ZNF385C: variants seen among roughly 807,000 people sequenced by gnomAD.
ZNF385C encodes the protein zinc finger protein 385C, also known as CTD-2132N18.2.
ZNF385C carries 28 observed loss-of-function variants against 35.4 expected under a neutral mutation model. The observed-to-expected ratio is 0.79, with a 90% CI of 0.59 to 1.08. The LOEUF is 1.08. ZNF385C is among the 50% of genes least tolerant of loss of function. The pLI, the probability that ZNF385C is intolerant of heterozygous loss-of-function variation, is 0.00. For synonymous variants in ZNF385C, 248 were observed against 248.2 expected, an observed-to-expected ratio of 1.00 and a Z score of 0.01; for missense variants, 605 against 595.6, an observed-to-expected ratio of 1.02 and a Z score of -0.16.
rs1055105 is a variant in ZNF385C, at chr17:42,038,334, C to T, written c.251-449G>A. 5.4e-3 allele frequency: 2,248 copies of T among 418,706 alleles called. 46 individuals are homozygous for T. The highest frequency in any genetic ancestry group is 0.043 in the African/African-American group (2,078 of 48,470). 25.9% of individuals were successfully genotyped at this position (418,706 alleles called of 1,614,324 possible). A position where few individuals can be genotyped will look rare whatever the true frequency, so the allele number is the denominator to read the frequency against. On this transcript the variant is annotated intron_variant, in intron 2 of 8. Coordinates refer to ENST00000692273, the MANE Select transcript of ZNF385C (RefSeq NM_001392013.1). ...CTCACTCTCTAACTATCCTCCCTCC[C>T]TCCAGATCCCCAGGATTTCATGGCC...
intron 1 of ZNF385C, among the ~76,000 whole-genome samples, chr17:42,070,308 C>T (rs1567993960): frequency 1.3e-5 from 2 of 152,192 alleles, no homozygotes; most frequent in African/African-American, 4.8e-5. Flanking sequence ...CGCGCCACTG[C>T]ACTCCAGCCT....
At chr17:42,085,642 G>A (rs1174831709) in intron 1 of ZNF385C, among the ~76,000 whole-genome samples, 1 of 145,712 alleles carries the variant, frequency 6.9e-6, no homozygotes, top group African/African-American at 2.6e-5. Flanking sequence ...TTGTCGCCCA[G>A]GCTGGAGTGC....
intron 1 of ZNF385C, among the ~76,000 whole-genome samples, chr17:42,082,935 A>G (rs907868435): frequency 1.9e-4 from 29 of 152,096 alleles, no homozygotes; most frequent in African/African-American, 6.3e-4. Flanking sequence ...AAATTTAGCC[A>G]GGATGGTGGT....
intron 2 of ZNF385C, among the ~76,000 whole-genome samples, chr17:42,044,608 C>T (rs1362994837): frequency 4.0e-5 from 6 of 150,918 alleles, no homozygotes; most frequent in Non-Finnish European, 5.9e-5. Flanking sequence ...AAGAGCAAAA[C>T]TCTGTCTCAA....
chr17:42,027,704 C>T lies in ZNF385C; in HGVS notation c.1189G>A (p.Asp397Asn), dbSNP rs782184069. 91 of 1,612,740 alleles carry T rather than the reference C, an allele frequency of 5.6e-5. 1 individual carries two copies. Among genetic ancestry groups the T allele is most frequent in the Non-Finnish European group, 7.6e-5 (90 of 1,179,602 alleles). Residue 397 changes from aspartate (D) to asparagine (N), a missense_variant, in exon 8 of 9, where the codon GAC (aspartate) becomes AAC (asparagine). Physicochemically the swap from Asp to Asn is conservative, Grantham distance 23 (BLOSUM62 1). Coordinates refer to ENST00000692273, the MANE Select transcript of ZNF385C (RefSeq NM_001392013.1). ...KQHMSSRRHK[D>N]RLAGKTPKPS... The stretch of plus-strand genomic sequence containing the variant: ...TTGGGGGTCTTCCCGGCCAGGCGGT[C>T]TTTGTGCCTCCTGCTGCTCATGTGC...
At chr17:42,027,416 C>T (rs1322630352) in intron 8 of ZNF385C, among the ~76,000 whole-genome samples, 1 of 151,990 alleles carries the variant, frequency 6.6e-6, no homozygotes, top group African/African-American at 2.4e-5. Context: ...CACTCTTGCC[C>T]CTAAGATGAC....
In ZNF385C at chr17:42,062,856, G is replaced by A. The variant is rs1039910895; in HGVS notation, c.201C>T (p.His67=). ...QAQVHCGGRA[H]QRRLRQLSLG... is the part of the protein sequence containing the mutation. ...AGCTGAGCTGCCGAAGCCGCCTCTGGTGGGCCCGCCCCCCACAGTGCACCT... is the reference window on the plus strand; with the variant it reads ...AGCTGAGCTGCCGAAGCCGCCTCTGATGGGCCCGCCCCCCACAGTGCACCT... Residue 67 remains histidine (H), a synonymous_variant, in exon 2 of 9, where the codon CAC becomes CAT. Transcript: ENST00000692273. The A allele has an allele frequency of 4.7e-6, 3 of 637,272 alleles. No individual in the cohort carries two copies. Among genetic ancestry groups the A allele is most frequent in the Non-Finnish European group, 8.5e-6 (3 of 353,994 alleles). The allele number at this position is 637,272 out of a possible 1,614,324, so 39.5% of individuals were successfully genotyped here.
In ZNF385C at chr17:42,095,993, C is replaced by T. The variant is rs2053913180; in HGVS notation, c.-3+2417G>A. ...ACCCTGACAAATACACCTTCATTAACAACCTGGAGGACCAGATACAAATTT... is the reference window on the plus strand; with the variant it reads ...ACCCTGACAAATACACCTTCATTAATAACCTGGAGGACCAGATACAAATTT... On this transcript the variant is annotated intron_variant, in intron 1 of 8. Coordinates refer to ENST00000692273, the MANE Select transcript of ZNF385C (RefSeq NM_001392013.1). This position sits in a 1 kb window ranked among gnomAD's most constrained non-coding sequence, Gnocchi z 4.4. Among the ~76,000 whole-genome samples the T allele has an allele frequency of 6.6e-6, 1 of 152,204 alleles. No homozygotes were observed. Among genetic ancestry groups the T allele is most frequent in the South Asian group, 2.1e-4 (1 of 4,826 alleles).
chr17:42,067,017 C>T (rs1383589486), intron 1 of ZNF385C, among the ~76,000 whole-genome samples: 6 of 151,796 alleles, frequency 4.0e-5, no homozygotes, highest in African/African-American at 9.7e-5. Context: ...TGCAGTGAGT[C>T]GAGATCGTGC....
At chr17:42,038,421 A>C (rs1388683248) in intron 2 of ZNF385C, 2 of 247,782 alleles carry the variant, frequency 8.1e-6, no homozygotes, top group Non-Finnish European at 1.5e-5. Flanking sequence ...CCCAGCTCTG[A>C]TGAGGCCTAA....
intron 1 of ZNF385C, among the ~76,000 whole-genome samples, chr17:42,089,068 CCT>C (rs1239505953): frequency 2.0e-5 from 3 of 152,138 alleles, no homozygotes; most frequent in Non-Finnish European, 2.9e-5. Flanking sequence ...TTCCCCACTT[CCT>C]CTCCCTCCCA....
chr17:42,070,894 C>A (rs1555658751), intron 1 of ZNF385C, among the ~76,000 whole-genome samples: 1 of 152,224 alleles, frequency 6.6e-6, no homozygotes, highest in Non-Finnish European at 1.5e-5. Flanking sequence ...TTTGGCTTCT[C>A]CACCCTGCCA....
chr17:42,077,878 C>T (rs536302917), intron 1 of ZNF385C, among the ~76,000 whole-genome samples: 3 of 152,180 alleles, frequency 2.0e-5, no homozygotes, highest in East Asian at 1.9e-4. Flanking sequence ...CCCCTCCCCC[C>T]ACATTTTGCC....
chr17:42,035,595 A>G (rs995130755), intron 3 of ZNF385C, among the ~76,000 whole-genome samples: 1 of 135,812 alleles, frequency 7.4e-6, no homozygotes, highest in Non-Finnish European at 1.5e-5. Flanking sequence ...TCTGTCGCCC[A>G]GGCTGGAGTG....
At position 42,047,354 on chromosome 17, in the gene ZNF385C, T is replaced by C. The variant is rs182557975; in HGVS notation, c.251-9469A>G. 4.9e-3 allele frequency among the ~76,000 whole-genome samples: 739 copies of C among 152,168 alleles called. 5 individuals carry two copies. Among genetic ancestry groups the C allele is most frequent in the African/African-American group, 0.017 (697 of 41,518 alleles). On this transcript the variant is annotated intron_variant, in intron 2 of 8. Coordinates refer to ENST00000692273, the MANE Select transcript of ZNF385C (RefSeq NM_001392013.1). ...GCCCCGGCTAATTTTTTTGAATTTT[T>C]AGTAGAGACGGGGTTTCACCGTGTT... is the stretch of plus-strand genomic sequence containing the variant.
chr17:42,096,134 G>A (rs2053915015), intron 1 of ZNF385C, among the ~76,000 whole-genome samples: 1 of 152,076 alleles, frequency 6.6e-6, no homozygotes, highest in South Asian at 2.1e-4. Flanking sequence ...GCACCACAAG[G>A]GACTCTTGTG....
chr17:42,052,415 C>G (rs1444073206), intron 2 of ZNF385C, among the ~76,000 whole-genome samples: 1 of 152,078 alleles, frequency 6.6e-6, no homozygotes, highest in Non-Finnish European at 1.5e-5. Flanking sequence ...GTTTAGACAT[C>G]AAGGCACATA....
intron 1 of ZNF385C, among the ~76,000 whole-genome samples, chr17:42,086,203 G>A (rs1372164926): frequency 1.3e-5 from 2 of 148,542 alleles, no homozygotes; most frequent in South Asian, 2.2e-4. Context: ...ACCAGCCTGC[G>A]CAACATGGTG....
intron 2 of ZNF385C, among the ~76,000 whole-genome samples, chr17:42,052,794 G>A (rs1567990265): frequency 1.3e-5 from 2 of 152,176 alleles, no homozygotes; most frequent in Non-Finnish European, 2.9e-5. Flanking sequence ...CCCTTACAAA[G>A]TTAAATGCAT....
Sources: allele counts gnomAD v4.1 joint callset (sites outside exome capture counted in the v4.1 genomes callset), GRCh38; gene constraint gnomAD v4.1.1; non-coding constraint Gnocchi (gnomAD v3.1); transcripts MANE v1.5; gene names NCBI Gene and HGNC (gene_info 2026-07-23, HGNC 2026-07-21).